Variants in ARHGEF11 observed in about 807,000 individuals in gnomAD.
The protein encoded by ARHGEF11 is Rho guanine exchange factor (GEF) 11.
ARHGEF11 carries 55 observed loss-of-function variants against 193.7 expected under a neutral mutation model. That is an observed-to-expected ratio of 0.28 (90% CI 0.23 to 0.36). ARHGEF11 has a LOEUF of 0.36. Ranked by LOEUF, ARHGEF11 falls within the 10% of genes least tolerant of loss-of-function variation. The pLI is 1.00. For synonymous variants in ARHGEF11, 693 were observed against 768.0 expected, an observed-to-expected ratio of 0.90 and a Z score of 1.62; for missense variants, 1,723 against 2,005.6, an observed-to-expected ratio of 0.86 and a Z score of 2.69.
Position 156,968,318 on chromosome 1 carries a change from G to A in ARHGEF11, c.826-194C>T, listed in dbSNP as rs1000523321. Among the ~76,000 whole-genome samples, 195 of 152,154 alleles carry A rather than the reference G, an allele frequency of 1.3e-3. 3 individuals carry two copies. Among genetic ancestry groups the A allele is most frequent in the Admixed American group, 0.013 (195 of 15,282 alleles). On this transcript the variant is annotated intron_variant, in intron 10 of 40. Coordinates refer to ENST00000368194, the MANE Select transcript of ARHGEF11 (RefSeq NM_198236.3). The stretch of plus-strand genomic sequence containing the variant: ...TTCGATTCACACAGTAGCCCTTTGA[G>A]GTAGATACTATTATTCGTCCCATTT...
intron 1 of ARHGEF11, among the ~76,000 whole-genome samples, chr1:156,997,462 AGT>A (rs1666682606): frequency 6.6e-6 from 1 of 152,238 alleles, no homozygotes; most frequent in Non-Finnish European, 1.5e-5. Context: ...GTCTGACTGC[AGT>A]GACTAGAGTG....
At chr1:157,028,080 C>T (rs1416869817) in intron 1 of ARHGEF11, among the ~76,000 whole-genome samples, 2 of 152,214 alleles carry the variant, frequency 1.3e-5, no homozygotes, top group African/African-American at 4.8e-5. Context: ...GTGAAAACAA[C>T]TGCTTGGCTC....
Position 156,948,561 on chromosome 1 carries a change from GCTAA to G in ARHGEF11, c.1926-67_1926-64del, listed in dbSNP as rs768504705. 1.9e-6 allele frequency: 3 copies of G among 1,613,482 alleles called. No individual in the cohort carries two copies. The highest frequency in any genetic ancestry group is 2.5e-6 in the Non-Finnish European group (3 of 1,179,926). On this transcript the variant is annotated intron_variant, in intron 22 of 40. Transcript: ENST00000368194. This position sits in a 1 kb window ranked among gnomAD's most constrained non-coding sequence, Gnocchi z 4.2. ...GTCAGTGGGCCATGCTTACATCCTG[GCTAA>G]CTCTTACCTGTGGCTCCATCTCAAA...
intron 3 of ARHGEF11, 110 bp from the exon 4 acceptor site, chr1:156,980,596 G>A: frequency 8.1e-7 from 1 of 1,237,934 alleles, no homozygotes. Context: ...ATTTCTCTGT[G>A]TTAAGTATCT....
At chr1:156,989,063 C>T (rs545026012) in intron 1 of ARHGEF11, among the ~76,000 whole-genome samples, 61 of 152,244 alleles carry the variant, frequency 4.0e-4, no homozygotes, top group African/African-American at 1.4e-3. Flanking sequence ...TGGCCCCTCC[C>T]TTTTCCTGAG....
At chr1:156,943,414 G>C (rs2101877970) in intron 32 of ARHGEF11, among the ~76,000 whole-genome samples, 2 of 152,286 alleles carry the variant, frequency 1.3e-5, no homozygotes, top group South Asian at 4.1e-4. Context: ...CCCACAAGAG[G>C]TAGGGTAGGT....
intron 1 of ARHGEF11, among the ~76,000 whole-genome samples, chr1:157,014,934 C>T (rs151110794): frequency 0.013 from 1,967 of 152,214 alleles, 39 homozygotes; most frequent in African/African-American, 0.045. Flanking sequence ...TGTCTTCAGC[C>T]TTCAGTCTCT....
intron 25 of ARHGEF11, 140 bp from the exon 26 acceptor site, chr1:156,947,590 TTC>T (rs1658381075): frequency 5.2e-6 from 7 of 1,345,346 alleles, no homozygotes; most frequent in South Asian, 3.0e-5. Context: ...ACAGCAACTT[TTC>T]TCTTACTCCA....
At chr1:156,977,091 A>T (rs763290118) in intron 6 of ARHGEF11, 37 bp from the exon 7 acceptor site, 1 of 1,542,538 alleles carries the variant, frequency 6.5e-7, no homozygotes, top group Non-Finnish European at 9.0e-7. Context: ...AGAGTTAGGG[A>T]CTAACTCAAC....
Position 157,018,599 on chromosome 1 carries a change from C to T in ARHGEF11, c.32+25700G>A, listed in dbSNP as rs890123929. Among the ~76,000 whole-genome samples, 8 of 150,118 alleles carry T rather than the reference C, an allele frequency of 5.3e-5. No homozygotes were observed. The East Asian group carries it at 7.9e-4, about 15-fold the overall frequency. Reference sequence around the variant, plus strand: ...GGCGGAGGTTGCAGTGAGCCGAGATCGTGCCACTGCACTCCAGCCTGCTGA... The same window carrying T: ...GGCGGAGGTTGCAGTGAGCCGAGATTGTGCCACTGCACTCCAGCCTGCTGA... On this transcript the variant is annotated intron_variant, in intron 1 of 40. Coordinates refer to ENST00000368194, the MANE Select transcript of ARHGEF11 (RefSeq NM_198236.3).
intron 13 of ARHGEF11, among the ~76,000 whole-genome samples, chr1:156,962,114 G>A (rs1383123922): frequency 2.6e-5 from 4 of 152,088 alleles, no homozygotes; most frequent in Admixed American, 1.3e-4. Flanking sequence ...CTCTCCACAC[G>A]TGCTATTTCA....
chr1:156,992,365 G>T (rs1236858885), intron 1 of ARHGEF11, among the ~76,000 whole-genome samples: 1 of 152,010 alleles, frequency 6.6e-6, no homozygotes, highest in African/African-American at 2.4e-5. Flanking sequence ...GCTCCCTGTG[G>T]CCTGGTGCGT....
chr1:156,980,365 G>A, intron 4 of ARHGEF11, 72 bp downstream of exon 4: 1 of 1,540,378 alleles, frequency 6.5e-7, no homozygotes, highest in Non-Finnish European at 8.8e-7. Context: ...GTGCAGGATG[G>A]GCCAAGGCCA....
chr1:156,946,244 G>T (rs1658089666), intron 28 of ARHGEF11, 82 bp from the exon 29 acceptor site: 1 of 1,157,034 alleles, frequency 8.6e-7, no homozygotes, highest in Non-Finnish European at 1.3e-6. Context: ...AGATGGGTGT[G>T]AACATGACAA....
At chr1:156,994,160 T>A (rs555507032) in intron 1 of ARHGEF11, among the ~76,000 whole-genome samples, 11 of 152,224 alleles carry the variant, frequency 7.2e-5, no homozygotes, top group Admixed American at 7.2e-4. Context: ...TAGTCTGTCA[T>A]CTCTTTTAGA....
At chr1:157,006,195 CCTGG>C (rs1381104608) in intron 1 of ARHGEF11, among the ~76,000 whole-genome samples, 2 of 151,950 alleles carry the variant, frequency 1.3e-5, no homozygotes, top group East Asian at 3.9e-4. Context: ...TCTTGAACTT[CCTGG>C]CCCTTCAAGG....
chr1:157,012,574 C>T (rs1209753488), intron 1 of ARHGEF11, among the ~76,000 whole-genome samples: 8 of 152,174 alleles, frequency 5.3e-5, no homozygotes, highest in African/African-American at 1.7e-4. Flanking sequence ...ATGAAGAAAA[C>T]GTCCTTCCTA....
intron 8 of ARHGEF11, 83 bp downstream of exon 8, chr1:156,971,614 G>A: frequency 1.3e-6 from 2 of 1,512,708 alleles, no homozygotes; most frequent in Admixed American, 1.8e-5. Flanking sequence ...AACCCAAGAA[G>A]CCTTCTGTCC....
intron 1 of ARHGEF11, among the ~76,000 whole-genome samples, chr1:157,024,464 C>T (rs1296495092): frequency 6.6e-6 from 1 of 152,034 alleles, no homozygotes; most frequent in African/African-American, 2.4e-5. Flanking sequence ...TATAAAACTC[C>T]AAGTGCTGCA....
Sources: allele counts gnomAD v4.1 joint callset (sites outside exome capture counted in the v4.1 genomes callset), GRCh38; gene constraint gnomAD v4.1.1; non-coding constraint Gnocchi (gnomAD v3.1); transcripts MANE v1.5; gene names NCBI Gene and HGNC (gene_info 2026-07-23, HGNC 2026-07-21).